Variants in SPON1 observed in about 807,000 individuals in gnomAD.
SPON1 encodes the protein spondin-1.
A neutral mutation model predicts 111.7 loss-of-function variants in SPON1; 52 were observed. The observed-to-expected ratio is 0.47, with a 90% CI of 0.37 to 0.59. The LOEUF is 0.59. Among genes scored for constraint, SPON1 ranks in the 20% least tolerant of loss-of-function variants. The pLI is 0.00. For missense variants in SPON1, 957 were observed against 1,068.5 expected (o/e 0.90, Z 1.46); for synonymous variants, 410 against 395.8 (o/e 1.04, Z -0.43).
chr11:14,093,130 C>T (rs1452112140), intron 5 of SPON1, among the ~76,000 whole-genome samples: 1 of 152,234 alleles, frequency 6.6e-6, no homozygotes. Flanking sequence ...GGTCTGGATT[C>T]ACTGGTCCTG....
intron 2 of SPON1, among the ~76,000 whole-genome samples, chr11:13,985,596 A>G (rs1554910207): frequency 2.0e-5 from 3 of 152,158 alleles, no homozygotes; most frequent in Non-Finnish European, 4.4e-5. Flanking sequence ...CTGTTAAATG[A>G]AAAAATAAGG....
rs578011031 is a variant in SPON1 at position 14,174,602 on chromosome 11, G to A, written c.825+39034G>A. On this transcript the variant is annotated intron_variant, in intron 6 of 15. Coordinates refer to ENST00000576479, the MANE Select transcript of SPON1 (RefSeq NM_006108.4). ...CCTCCTCTGTTTTCCCAATGAGTCCGAGGCTACCGGAAGTTATCTTAGGGC... is the reference window on the plus strand; with the variant it reads ...CCTCCTCTGTTTTCCCAATGAGTCCAAGGCTACCGGAAGTTATCTTAGGGC... Among the ~76,000 whole-genome samples the A allele has an allele frequency of 4.9e-3, 736 of 151,086 alleles. 8 individuals carry two copies. Among genetic ancestry groups the A allele is most frequent in the Admixed American group, 3.9e-3 (59 of 15,220 alleles).
intron 6 of SPON1, among the ~76,000 whole-genome samples, chr11:14,205,684 C>G (rs1365065227): frequency 6.6e-6 from 1 of 152,160 alleles, no homozygotes; most frequent in African/African-American, 2.4e-5. Context: ...CCCTGCCAAT[C>G]TGATTGGGTC....
intron 6 of SPON1, among the ~76,000 whole-genome samples, chr11:14,160,201 A>G (rs1055273940): frequency 3.3e-5 from 5 of 149,944 alleles, no homozygotes; most frequent in African/African-American, 1.2e-4. Context: ...TTTTAAAAAG[A>G]AAAGAACTAT....
intron 6 of SPON1, among the ~76,000 whole-genome samples, chr11:14,136,937 T>G (rs2133861574): frequency 6.6e-6 from 1 of 152,268 alleles, no homozygotes. Flanking sequence ...AACCATTGTT[T>G]GGGATCCTGG....
chr11:14,106,671 C>T (rs976872145), intron 5 of SPON1, among the ~76,000 whole-genome samples: 6 of 152,074 alleles, frequency 3.9e-5, no homozygotes, highest in Admixed American at 2.0e-4. Context: ...ACATAGAAGA[C>T]GACAAAGGGT....
rs1849196846 is a variant in SPON1, at chr11:14,262,470, T to G, written c.1997-242T>G. 4 of 569,180 alleles carry G rather than the reference T, an allele frequency of 7.0e-6. No homozygotes were observed. In the South Asian group the frequency reaches 8.2e-5, roughly 12 times the overall value. The allele number at this position is 569,180 out of a possible 1,614,324, so 35.3% of individuals were successfully genotyped here. A position where few individuals can be genotyped will look rare whatever the true frequency, so the allele number is the denominator to read the frequency against. On this transcript the variant is annotated intron_variant, in intron 14 of 15. Transcript: ENST00000576479. ...TCCTGAAAGTCCTCCAAAGCCTTCT[T>G]GAGTCATAGAGGGAGCATAGAATGG...
intron 6 of SPON1, among the ~76,000 whole-genome samples, chr11:14,137,281 T>A (rs868967703): frequency 1.3e-5 from 2 of 152,166 alleles, no homozygotes; most frequent in African/African-American, 4.8e-5. Flanking sequence ...AGCCTCAGAA[T>A]CCCTCTTAGG....
intron 2 of SPON1, among the ~76,000 whole-genome samples, chr11:14,007,637 T>A (rs1168019467): frequency 6.6e-6 from 1 of 152,186 alleles, no homozygotes; most frequent in Non-Finnish European, 1.5e-5. Flanking sequence ...GTCAATACTT[T>A]GCATCCTTCA....
chr11:14,014,303 G>T (rs1170448886), intron 2 of SPON1, among the ~76,000 whole-genome samples: 3 of 152,182 alleles, frequency 2.0e-5, no homozygotes, highest in African/African-American at 7.2e-5. Context: ...AGACCAAGGA[G>T]GGTGACCACA....
At position 14,168,223 on chromosome 11, in the gene SPON1, T is replaced by TA. The variant is rs1432042387; in HGVS notation, c.825+32658dup. ...TTTCAAAAGTCAAACAGTTTGACCT[T>TA]AAAGCATTTAGCAAATCTGATATCT... is the stretch of plus-strand genomic sequence containing the variant. On this transcript the variant is annotated intron_variant, in intron 6 of 15. Coordinates refer to ENST00000576479, the MANE Select transcript of SPON1 (RefSeq NM_006108.4). Among the ~76,000 whole-genome samples, 48 of 152,322 alleles carry TA rather than the reference T, an allele frequency of 3.2e-4. 1 individual carries two copies. Among genetic ancestry groups the TA allele is most frequent in the Middle Eastern group, 3.4e-3 (1 of 294 alleles).
At chr11:14,064,408 AGAT>A (rs1251486461) in intron 3 of SPON1, among the ~76,000 whole-genome samples, 3 of 152,204 alleles carry the variant, frequency 2.0e-5, no homozygotes, top group Non-Finnish European at 4.4e-5. Flanking sequence ...AGATGGTGAC[AGAT>A]GATTGGGATC....
intron 5 of SPON1, among the ~76,000 whole-genome samples, chr11:14,113,200 A>C (rs1849238540): frequency 6.6e-6 from 1 of 152,186 alleles, no homozygotes; most frequent in Admixed American, 6.5e-5. Context: ...ATAACCCTCT[A>C]ATCATAAACA....
At chr11:14,079,693 C>CCT (rs150961927) in intron 4 of SPON1, among the ~76,000 whole-genome samples, 1 of 150,674 alleles carries the variant, frequency 6.6e-6, no homozygotes, top group African/African-American at 2.4e-5. Context: ...AAAAAGCTCT[C>CCT]TTTTTTTTTT....
intron 1 of SPON1, among the ~76,000 whole-genome samples, chr11:13,966,745 G>A (rs1304197765): frequency 6.6e-6 from 1 of 152,190 alleles, no homozygotes; most frequent in African/African-American, 2.4e-5. Flanking sequence ...AGGCTTTGAT[G>A]TTGGGTGGGT....
rs181787672 is a variant in SPON1, at chr11:13,990,243, C to T, written c.345+7290C>T. ...TCTGAGTGCTCCTGTATTGGGTGCA[C>T]ATATATTTAGGATAGTTAGCTCTTC... On this transcript the variant is annotated intron_variant, in intron 2 of 15. Coordinates refer to ENST00000576479, the MANE Select transcript of SPON1 (RefSeq NM_006108.4). 1.6e-3 allele frequency among the ~76,000 whole-genome samples: 246 copies of T among 152,040 alleles called. 1 individual carries two copies. Among genetic ancestry groups the T allele is most frequent in the African/African-American group, 5.6e-3 (232 of 41,480 alleles).
intron 1 of SPON1, among the ~76,000 whole-genome samples, chr11:13,974,416 A>G (rs1848086775): frequency 6.6e-6 from 1 of 152,208 alleles, no homozygotes; most frequent in Non-Finnish European, 1.5e-5. Context: ...CAGAGTGCGG[A>G]GGAAGATGGA....
intron 6 of SPON1, among the ~76,000 whole-genome samples, chr11:14,236,531 A>G (rs1554939240): frequency 2.0e-5 from 3 of 152,202 alleles, no homozygotes. Context: ...GCTAGTTTGC[A>G]ATAGAAGATT....
intron 6 of SPON1, among the ~76,000 whole-genome samples, chr11:14,219,119 A>G (rs1377474799): frequency 6.6e-6 from 1 of 152,164 alleles, no homozygotes; most frequent in Admixed American, 6.5e-5. Flanking sequence ...TCCCCCACCC[A>G]CTGCCACCTA....
Sources: gnomAD v4.1 joint callset for allele counts (sites outside exome capture counted in the v4.1 genomes callset) on GRCh38, gnomAD v4.1.1 for gene constraint, MANE v1.5 for transcripts, NCBI Gene and HGNC (gene_info 2026-07-23, HGNC 2026-07-21) for gene names.